Variants in TMEM26 observed in about 807,000 individuals in gnomAD.
TMEM26 encodes transmembrane protein 26.
TMEM26 carries 38 observed loss-of-function variants against 28.8 expected under a neutral mutation model. The observed-to-expected ratio is 1.32, with a 90% confidence interval of 1.02 to 1.73. TMEM26 has a LOEUF of 1.73. Ranked by LOEUF, TMEM26 falls within the 40% of genes most tolerant of loss-of-function variation. The pLI, the probability that TMEM26 is intolerant of heterozygous loss-of-function variation, is 0.00. For synonymous variants in TMEM26, 227 were observed against 182.9 expected (o/e 1.24, Z -1.95); for missense variants, 518 against 447.1 (o/e 1.16, Z -1.43).
Position 61,410,425 on chromosome 10 carries a change from C to G in TMEM26, c.1004G>C (p.Ser335Thr), listed in dbSNP as rs1322855990. ...CTGCCAGTCCCGCTGAGAGGGCCCA[C>G]TCTCAGAGGTCTGTGCCCGGCAACC... ...EHGCRAQTSE[S>T]GPSQRDWQNE... Residue 335 changes from serine (S) to threonine (T), a missense_variant, in exon 6 of 6, where the codon AGT becomes ACT. Transcript: ENST00000399298. 1 of 1,614,128 alleles carries G rather than the reference C, an allele frequency of 6.2e-7. No individual in the cohort carries two copies. Among genetic ancestry groups the G allele is most frequent in the East Asian group, 2.2e-5 (1 of 44,854 alleles).
chr10:61,421,938 CAT>C (rs201119505), intron 4 of TMEM26, among the ~76,000 whole-genome samples: 2 of 151,190 alleles, frequency 1.3e-5, no homozygotes, highest in African/African-American at 2.4e-5. Flanking sequence ...AATGTAGATA[CAT>C]ATATATATAT....
chr10:61,409,405 G>T lies in TMEM26; in HGVS notation c.*917C>A, dbSNP rs557110979. On this transcript the variant is annotated 3_prime_UTR_variant, in exon 6 of 6. Transcript: ENST00000399298. ...CGCGGTTCAAAGAAGCTGCAGCTTTGTTCACTACTGCTGGCAGACACCAGA... is the reference window on the plus strand; with the variant it reads ...CGCGGTTCAAAGAAGCTGCAGCTTTTTTCACTACTGCTGGCAGACACCAGA... The T allele has an allele frequency of 6.6e-6, 1 of 152,292 alleles. No homozygotes were observed. Among genetic ancestry groups the T allele is most frequent in the Non-Finnish European group, 1.5e-5 (1 of 68,086 alleles). 9.4% of individuals were successfully genotyped at this position (152,292 alleles called of 1,614,324 possible).
At chr10:61,440,341 A>C (rs1018487217) in intron 1 of TMEM26, among the ~76,000 whole-genome samples, 2 of 152,148 alleles carry the variant, frequency 1.3e-5, no homozygotes, top group Non-Finnish European at 2.9e-5. Context: ...GTTATGCTTA[A>C]CTTCACAATC....
In TMEM26 at chr10:61,410,452, T is replaced by C. The variant is rs1839550184; in HGVS notation, c.977A>G (p.His326Arg). The stretch of plus-strand genomic sequence containing the variant: ...CTCAGAGGTCTGTGCCCGGCAACCA[T>C]GTTCTCCTTTCAGGCCTTCTGACTG... The part of the protein sequence containing the change: ...RSQSEGLKGE[H>R]GCRAQTSESG... The change falls in exon 6 of 6, where the codon CAT becomes CGT. Residue 326 changes from histidine to arginine, a missense_variant. His to Arg is a conservative substitution (Grantham distance 29). Coordinates refer to ENST00000399298, the MANE Select transcript of TMEM26 (RefSeq NM_178505.8). 5 of 1,613,960 alleles carry C rather than the reference T, an allele frequency of 3.1e-6. No homozygotes were observed. Among genetic ancestry groups the C allele is most frequent in the Middle Eastern group, 1.6e-4 (1 of 6,084 alleles).
intron 1 of TMEM26, chr10:61,452,544 T>C (rs1053823143): frequency 7.8e-6 from 2 of 255,502 alleles, no homozygotes; most frequent in Non-Finnish European, 1.6e-5. Context: ...GAAGGCACAC[T>C]ACATGGCAAC....
intron 4 of TMEM26, among the ~76,000 whole-genome samples, chr10:61,421,202 T>A (rs1039243563): frequency 2.6e-4 from 40 of 151,680 alleles, no homozygotes; most frequent in Admixed American, 2.3e-3. Context: ...ATAAAATAAT[T>A]CAATAAATGC....
In TMEM26 at chr10:61,410,401, T is replaced by C. The variant is rs756212666; in HGVS notation, c.1028A>G (p.Gln343Arg). 1.2e-6 allele frequency: 2 copies of C among 1,614,092 alleles called. No individual in the cohort carries two copies. Among genetic ancestry groups the C allele is most frequent in the Non-Finnish European group, 1.7e-6 (2 of 1,180,024 alleles). Residue 343 changes from glutamine (Q) to arginine (R), a missense_variant, in exon 6 of 6, where the codon CAG becomes CGG. Gln to Arg is a conservative substitution (Grantham distance 43). Coordinates refer to ENST00000399298, the MANE Select transcript of TMEM26 (RefSeq NM_178505.8). Reference protein sequence around the residue: ...SESGPSQRDWQNESKEGLAIP... With the variant: ...SESGPSQRDWRNESKEGLAIP... Reference sequence around the variant, plus strand: ...AGCCAGGCCCTCCTTAGACTCGTTCTGCCAGTCCCGCTGAGAGGGCCCACT... The same window carrying C: ...AGCCAGGCCCTCCTTAGACTCGTTCCGCCAGTCCCGCTGAGAGGGCCCACT...
intron 5 of TMEM26, chr10:61,413,102 C>T: frequency 1.9e-6 from 1 of 529,998 alleles, no homozygotes; most frequent in South Asian, 2.4e-5. Flanking sequence ...TGACAAGAAT[C>T]TTCAACCCTA....
chr10:61,430,915 T>C (rs1257785770), intron 3 of TMEM26, among the ~76,000 whole-genome samples: 1 of 152,050 alleles, frequency 6.6e-6, no homozygotes, highest in African/African-American at 2.4e-5. Flanking sequence ...AATTTTTTAA[T>C]TATATCATTG....
At chr10:61,436,544 A>G (rs970057996) in intron 1 of TMEM26, among the ~76,000 whole-genome samples, 1 of 152,244 alleles carries the variant, frequency 6.6e-6, no homozygotes, top group Non-Finnish European at 1.5e-5. Context: ...GACACTGCCA[A>G]TTAGTTTCAG....
intron 1 of TMEM26, among the ~76,000 whole-genome samples, chr10:61,441,083 GTT>G (rs375221072): frequency 6.6e-6 from 1 of 151,718 alleles, no homozygotes; most frequent in Admixed American, 6.6e-5. Flanking sequence ...ATTTTATTGT[GTT>G]TTTTTTCCCA....
At chr10:61,416,853 A>G (rs1839660562) in intron 4 of TMEM26, among the ~76,000 whole-genome samples, 1 of 152,238 alleles carries the variant, frequency 6.6e-6, no homozygotes, top group East Asian at 1.9e-4. Flanking sequence ...GATAAATGAT[A>G]TACTAACCCT....
intron 2 of TMEM26, among the ~76,000 whole-genome samples, chr10:61,433,398 G>A (rs1377688028): frequency 6.6e-6 from 1 of 152,006 alleles, no homozygotes; most frequent in East Asian, 1.9e-4. Context: ...TAGATTATCT[G>A]GATACCAACA....
chr10:61,412,903 A>G, intron 5 of TMEM26: 3 of 1,281,408 alleles, frequency 2.3e-6, no homozygotes, highest in Non-Finnish European at 3.1e-6. Context: ...TTAGGGGTTT[A>G]TGTTTTTATT....
At chr10:61,427,734 A>T (rs1301034311) in intron 4 of TMEM26, among the ~76,000 whole-genome samples, 3 of 151,986 alleles carry the variant, frequency 2.0e-5, no homozygotes, top group Admixed American at 6.6e-5. Flanking sequence ...TTGCATGTGC[A>T]TGTTTATTTC....
At chr10:61,451,193 C>T (rs959025456) in intron 1 of TMEM26, among the ~76,000 whole-genome samples, 2 of 152,220 alleles carry the variant, frequency 1.3e-5, no homozygotes, top group African/African-American at 4.8e-5. Flanking sequence ...TTTCCTCTCT[C>T]GGTTGTAAGT....
At chr10:61,442,693 G>T (rs901614750) in intron 1 of TMEM26, among the ~76,000 whole-genome samples, 1 of 152,012 alleles carries the variant, frequency 6.6e-6, no homozygotes, top group East Asian at 1.9e-4. Flanking sequence ...TATTTTCGTG[G>T]AAATCAAAAA....
intron 2 of TMEM26, among the ~76,000 whole-genome samples, chr10:61,434,298 A>T (rs1387008459): frequency 6.6e-6 from 1 of 152,216 alleles, no homozygotes; most frequent in Non-Finnish European, 1.5e-5. Context: ...TTAGAGAGCT[A>T]CTGCTCGGGG....
rs755050707 is a variant in TMEM26 at position 61,429,092 on chromosome 10, C to T, written c.439G>A (p.Gly147Arg). The T allele has an allele frequency of 6.8e-6, 11 of 1,613,010 alleles. No homozygotes were observed. Among genetic ancestry groups the T allele is most frequent in the Admixed American group, 1.7e-5 (1 of 59,898 alleles). Residue 147 changes from glycine to arginine, a missense_variant, in exon 4 of 6, where the codon GGA (glycine) becomes AGA (arginine). By Grantham distance (125) the Gly-to-Arg change is moderately radical (BLOSUM62 -2). Coordinates refer to ENST00000399298, the MANE Select transcript of TMEM26 (RefSeq NM_178505.8). ...STVCEKVWTLGLHQTFLLMLI... is the reference protein window; with the variant it reads ...STVCEKVWTLRLHQTFLLMLI... Reference sequence around the variant, plus strand: ...ATTAACAGGAATGTCTGATGGAGTCCCAATGTCCAAACTTTCTCACATACT... The same window carrying T: ...ATTAACAGGAATGTCTGATGGAGTCTCAATGTCCAAACTTTCTCACATACT...
Sources: allele counts gnomAD v4.1 joint callset (sites outside exome capture counted in the v4.1 genomes callset), GRCh38; gene constraint gnomAD v4.1.1; transcripts MANE v1.5; gene names NCBI Gene and HGNC (gene_info 2026-07-23, HGNC 2026-07-21).